The following CADM2 variants were observed in gnomAD, a reference collection of about 807,000 sequenced individuals.
CADM2 encodes the protein immunoglobulin superfamily member 4D.
In CADM2, 12 loss-of-function variants were observed where a neutral mutation model predicts 49.8. The observed-to-expected ratio is 0.24, with a 90% CI of 0.15 to 0.39. The LOEUF (loss-of-function observed/expected upper bound fraction) is 0.39, where lower values mean the gene tolerates loss of function less well. Ranked by LOEUF, CADM2 falls within the 10% of genes least tolerant of loss-of-function variation. The pLI is 1.00. For synonymous variants in CADM2, 214 were observed against 175.4 expected (o/e 1.22, Z -1.74); for missense variants, 378 against 492.3 (o/e 0.77, Z 2.20).
intron 1 of CADM2, among the ~76,000 whole-genome samples, chr3:85,502,742 T>C (rs993934792): frequency 1.1e-4 from 16 of 152,242 alleles, no homozygotes; most frequent in South Asian, 6.2e-4. Context: ...CTGGGAATAG[T>C]TGAGCTTATC....
At chr3:85,884,380 A>G (rs1297899266) in intron 4 of CADM2, among the ~76,000 whole-genome samples, 1 of 152,212 alleles carries the variant, frequency 6.6e-6, no homozygotes, top group East Asian at 1.9e-4. Flanking sequence ...TGCATAGGAT[A>G]TAAAACATTT....
intron 1 of CADM2, among the ~76,000 whole-genome samples, chr3:85,692,345 G>A (rs2066413504): frequency 1.3e-5 from 2 of 152,096 alleles, no homozygotes; most frequent in South Asian, 2.1e-4. Flanking sequence ...ACGTTTCACA[G>A]GACCTAGCAA....
At chr3:85,932,112 G>T (rs1260216471) in intron 6 of CADM2, among the ~76,000 whole-genome samples, 1 of 151,372 alleles carries the variant, frequency 6.6e-6, no homozygotes, top group East Asian at 1.9e-4. Flanking sequence ...TAAAATAGTG[G>T]CTGTGGAACT....
At chr3:85,587,798 G>A (rs1457697979) in intron 1 of CADM2, among the ~76,000 whole-genome samples, 1 of 151,898 alleles carries the variant, frequency 6.6e-6, no homozygotes, top group Non-Finnish European at 1.5e-5. Context: ...AGGCTGGAGT[G>A]CAGTGGTATG....
intron 8 of CADM2, among the ~76,000 whole-genome samples, chr3:86,024,790 C>T (rs1052158475): frequency 6.6e-6 from 1 of 152,028 alleles, no homozygotes; most frequent in Non-Finnish European, 1.5e-5. Flanking sequence ...GAAGGATGCT[C>T]TATTAGTGTC....
At chr3:85,677,110 C>G (rs1359456025) in intron 1 of CADM2, among the ~76,000 whole-genome samples, 1 of 152,124 alleles carries the variant, frequency 6.6e-6, no homozygotes, top group Non-Finnish European at 1.5e-5. Context: ...ACACTGTTCA[C>G]ACGTATTGAC....
At chr3:85,234,315 A>T (rs1028502349) in intron 1 of CADM2, among the ~76,000 whole-genome samples, 2 of 152,170 alleles carry the variant, frequency 1.3e-5, no homozygotes, top group African/African-American at 4.8e-5. Context: ...TATTAATTAA[A>T]CAGCATAATA....
chr3:85,786,717 A>T (rs369916396), intron 2 of CADM2, among the ~76,000 whole-genome samples: 1 of 152,046 alleles, frequency 6.6e-6, no homozygotes, highest in Non-Finnish European at 1.5e-5. Flanking sequence ...ACCATGTCTA[A>T]GGCAGTATCT....
At chr3:85,845,113 G>A (rs1008701272) in intron 3 of CADM2, among the ~76,000 whole-genome samples, 4 of 143,204 alleles carry the variant, frequency 2.8e-5, no homozygotes, top group Non-Finnish European at 6.0e-5. Flanking sequence ...CCATGATTGA[G>A]CCACTGCACT....
intron 1 of CADM2, among the ~76,000 whole-genome samples, chr3:85,150,765 C>G (rs2039896406): frequency 6.6e-6 from 1 of 151,466 alleles, no homozygotes; most frequent in South Asian, 2.1e-4. Flanking sequence ...AAAAATTAGC[C>G]AGGTATGGTG....
intron 1 of CADM2, among the ~76,000 whole-genome samples, chr3:85,384,876 A>G (rs1409039055): frequency 6.6e-6 from 1 of 152,104 alleles, no homozygotes; most frequent in Admixed American, 6.6e-5. Context: ...CCAATTGCAT[A>G]TAAATATATA....
At chr3:85,547,836 A>G (rs546246732) in intron 1 of CADM2, among the ~76,000 whole-genome samples, 58 of 152,036 alleles carry the variant, frequency 3.8e-4, no homozygotes, top group Non-Finnish European at 7.2e-4. Context: ...AAATCTTAGC[A>G]TGGAGAGCAC....
At chr3:85,511,048 A>G (rs986881566) in intron 1 of CADM2, among the ~76,000 whole-genome samples, 1 of 152,090 alleles carries the variant, frequency 6.6e-6, no homozygotes, top group African/African-American at 2.4e-5. Flanking sequence ...AACCCCAATA[A>G]GGTACTCAAC....
At chr3:85,217,464 TACAA>T (rs1177705657) in intron 1 of CADM2, among the ~76,000 whole-genome samples, 1 of 152,066 alleles carries the variant, frequency 6.6e-6, no homozygotes, top group Non-Finnish European at 1.5e-5. Flanking sequence ...TAATTAGACC[TACAA>T]ACAATTTTAT....
At chr3:85,596,697 A>G (rs746554542) in intron 1 of CADM2, among the ~76,000 whole-genome samples, 2 of 152,080 alleles carry the variant, frequency 1.3e-5, no homozygotes, top group Non-Finnish European at 2.9e-5. Context: ...AAAAAGTTCT[A>G]TTGGACAGTG....
Position 85,556,058 on chromosome 3 carries a change from A to G in CADM2, c.62-170464A>G, listed in dbSNP as rs950339157. On this transcript the variant is annotated intron_variant, in intron 1 of 9. Coordinates refer to ENST00000383699, the MANE Select transcript of CADM2 (RefSeq NM_001167675.2). ...CCCCCATGTAGTTGAAAATCTGTGA[A>G]TAACTTTTGACTCCTCCAAAACTTA... Among the ~76,000 whole-genome samples the G allele has an allele frequency of 2.6e-5, 4 of 152,132 alleles. No homozygotes were observed. In the East Asian group the frequency reaches 7.7e-4, roughly 29 times the overall value.
At chr3:85,162,021 A>C (rs935816407) in intron 1 of CADM2, among the ~76,000 whole-genome samples, 2 of 152,154 alleles carry the variant, frequency 1.3e-5, no homozygotes, top group African/African-American at 4.8e-5. Context: ...AAGGAAAAAC[A>C]AAAAGAAAGA....
intron 1 of CADM2, among the ~76,000 whole-genome samples, chr3:85,545,007 A>C (rs1319852524): frequency 6.6e-6 from 1 of 152,032 alleles, no homozygotes; most frequent in Non-Finnish European, 1.5e-5. Flanking sequence ...GCTCCTTGTC[A>C]AAACCTATAC....
chr3:85,593,854 C>T (rs1479062741), intron 1 of CADM2, among the ~76,000 whole-genome samples: 2 of 151,898 alleles, frequency 1.3e-5, no homozygotes, highest in African/African-American at 4.8e-5. Flanking sequence ...CTCATTGTCA[C>T]CCCTTCCCTC....
Sources: gnomAD v4.1 joint callset for allele counts (sites outside exome capture counted in the v4.1 genomes callset) on GRCh38, gnomAD v4.1.1 for gene constraint, MANE v1.5 for transcripts, NCBI Gene and HGNC (gene_info 2026-07-23, HGNC 2026-07-21) for gene names.